AMD1: variants seen among roughly 807,000 people sequenced by gnomAD.
The protein encoded by AMD1 is S-adenosylmethionine decarboxylase proenzyme.
In AMD1, 11 loss-of-function variants were observed where a neutral mutation model predicts 40.2. The observed-to-expected ratio is 0.27, with a 90% CI of 0.17 to 0.45. The LOEUF is 0.45. AMD1 is among the 20% of genes least tolerant of loss of function. AMD1 has a pLI of 1.00. For missense variants in AMD1, 257 were observed against 410.2 expected (o/e 0.63, Z 3.23); for synonymous variants, 121 against 130.8 (o/e 0.93, Z 0.51).
chr6:110,826,271 C>CAAAAAAAA, the AMD1 span, among the ~76,000 whole-genome samples: 2 of 59,360 alleles, frequency 3.4e-5, no homozygotes, highest in African/African-American at 1.4e-4. Context: ...GACACCATCC[C>CAAAAAAAA]AAAAAAAAAA....
the AMD1 span, among the ~76,000 whole-genome samples, chr6:110,869,061 A>G: frequency 6.7e-6 from 1 of 148,476 alleles, no homozygotes; most frequent in East Asian, 2.0e-4. Flanking sequence ...CTCGTTCTCA[A>G]AAAAAAAAAA....
chr6:110,820,133 A>G, the AMD1 span, among the ~76,000 whole-genome samples: 2 of 152,116 alleles, frequency 1.3e-5, no homozygotes, highest in Admixed American at 6.5e-5. Context: ...GGAGCAGCCC[A>G]TATCTCTGCT....
At chr6:110,839,828 C>A in the AMD1 span, among the ~76,000 whole-genome samples, 2 of 152,060 alleles carry the variant, frequency 1.3e-5, no homozygotes, top group African/African-American at 2.4e-5. Flanking sequence ...GCTGTTCAAC[C>A]TTTTGTTCTT....
At chr6:110,867,429 C>T in the AMD1 span, among the ~76,000 whole-genome samples, 1 of 152,104 alleles carries the variant, frequency 6.6e-6, no homozygotes, top group African/African-American at 2.4e-5. Flanking sequence ...CTTTGGGAGG[C>T]TGAGAGGGGG....
At chr6:110,815,395 T>C in the AMD1 span, 14 of 349,852 alleles carry the variant, frequency 4.0e-5, no homozygotes, top group African/African-American at 2.8e-4. Flanking sequence ...CAGTCCCGCC[T>C]CCCTCCTTCA....
the AMD1 span, among the ~76,000 whole-genome samples, chr6:110,868,855 A>G: frequency 6.6e-6 from 1 of 152,022 alleles, no homozygotes; most frequent in East Asian, 2.0e-4. Context: ...CAGGAGTTCA[A>G]GACCAGCCTG....
At chr6:110,863,366 G>A in the AMD1 span, among the ~76,000 whole-genome samples, 5 of 143,830 alleles carry the variant, frequency 3.5e-5, no homozygotes, top group African/African-American at 5.2e-5. Context: ...ACCTGATTCT[G>A]CTTGCTTTTT....
At chr6:110,885,380 T>C (rs144847970) in intron 1 of AMD1, among the ~76,000 whole-genome samples, 4,206 of 152,118 alleles carry the variant, frequency 0.028, 90 homozygotes, top group South Asian at 0.1. Flanking sequence ...CCCAAAGTGG[T>C]GGGATTACAG....
At chr6:110,824,341 T>G in the AMD1 span, among the ~76,000 whole-genome samples, 1 of 152,196 alleles carries the variant, frequency 6.6e-6, no homozygotes, top group African/African-American at 2.4e-5. Context: ...AAATACTGTA[T>G]GTTCCCACTT....
chr6:110,875,354 TGGAA>T lies in AMD1; in HGVS notation c.110+142_110+145del, dbSNP rs1377784078. 2.0e-5 allele frequency: 14 copies of T among 716,322 alleles called. No individual in the cohort carries two copies. The East Asian group carries it at 2.2e-4, about 11-fold the overall frequency. The allele number at this position is 716,322 out of a possible 1,614,324, so 44.4% of individuals were successfully genotyped here. A position where few individuals can be genotyped will look rare whatever the true frequency, so the allele number is the denominator to read the frequency against. On this transcript the variant is annotated intron_variant, in intron 1 of 8. Coordinates refer to ENST00000368885, the MANE Select transcript of AMD1 (RefSeq NM_001634.6). ...CGGCCTGGGGTCGCTTCGGCGGCCT[TGGAA>T]GGTGCGCGGTTTGGGGGAGAGCGGC...
At chr6:110,869,223 C>CG in the AMD1 span, among the ~76,000 whole-genome samples, 1 of 151,700 alleles carries the variant, frequency 6.6e-6, no homozygotes, top group African/African-American at 2.4e-5. Context: ...CTCCGCCTCC[C>CG]GGGGTCCCGC....
chr6:110,838,403 G>T, the AMD1 span, among the ~76,000 whole-genome samples: 2 of 151,866 alleles, frequency 1.3e-5, no homozygotes, highest in Non-Finnish European at 1.5e-5. Context: ...AAAACCAAAA[G>T]TTTTTAAGAA....
Position 110,894,534 on chromosome 6 carries a change from G to A in AMD1, c.*918G>A, listed in dbSNP as rs1786203626. ...AAAACATACAATTCTGTGTTCCTCA[G>A]TAAATGAGATTAGCGTCTAATGAGT... On this transcript the variant is annotated 3_prime_UTR_variant, in exon 9 of 9. Coordinates refer to ENST00000368885, the MANE Select transcript of AMD1 (RefSeq NM_001634.6). 6.6e-6 allele frequency: 1 copy of A among 152,220 alleles called. No homozygotes were observed. The highest frequency in any genetic ancestry group is 2.4e-5 in the African/African-American group (1 of 41,448). The allele number at this position is 152,220 out of a possible 1,614,324, so 9.4% of individuals were successfully genotyped here.
the AMD1 span, among the ~76,000 whole-genome samples, chr6:110,830,084 G>A: frequency 2.6e-5 from 4 of 151,862 alleles, no homozygotes; most frequent in Non-Finnish European, 1.5e-5. Context: ...GCGCGATCTC[G>A]GCTCACTGCA....
chr6:110,847,044 T>A, the AMD1 span, among the ~76,000 whole-genome samples: 32 of 138,336 alleles, frequency 2.3e-4, no homozygotes, highest in East Asian at 7.9e-3. Flanking sequence ...ACTAGGAGAG[T>A]GTGTGTGTGT....
chr6:110,851,760 C>A, the AMD1 span, among the ~76,000 whole-genome samples: 1 of 152,158 alleles, frequency 6.6e-6, no homozygotes, highest in Non-Finnish European at 1.5e-5. Context: ...CTGCACCTGG[C>A]CCTCAAAATT....
At position 110,892,910 on chromosome 6, in the gene AMD1, G is replaced by A; in HGVS notation, c.709G>A (p.Gly237Arg). 6.2e-7 allele frequency: 1 copy of A among 1,613,872 alleles called. No homozygotes were observed. The highest frequency in any genetic ancestry group is 2.2e-5 in the East Asian group (1 of 44,868). ...TAACACTGTGAACTTTTTCTCTCAGGGAACTTATTGGACTATTCACATCAC... is the reference window on the plus strand; with the variant it reads ...TAACACTGTGAACTTTTTCTCTCAGAGAACTTATTGGACTATTCACATCAC... The part of the protein sequence containing the change: ...GYSMNGMKSD[G>R]TYWTIHITPE... Residue 237 changes from glycine to arginine, a missense_variant and splice_region_variant, in exon 8 of 9, where the codon GGA (glycine) becomes AGA (arginine). By Grantham distance (125) the Gly-to-Arg change is moderately radical. Coordinates refer to ENST00000368885, the MANE Select transcript of AMD1 (RefSeq NM_001634.6).
the AMD1 span, among the ~76,000 whole-genome samples, chr6:110,849,831 G>A: frequency 1.3e-5 from 2 of 152,048 alleles, no homozygotes; most frequent in African/African-American, 4.8e-5. Context: ...ACCAGCCTGA[G>A]CAACATGGCA....
At chr6:110,868,381 C>T in the AMD1 span, among the ~76,000 whole-genome samples, 1 of 151,974 alleles carries the variant, frequency 6.6e-6, no homozygotes, top group Non-Finnish European at 1.5e-5. Flanking sequence ...GATCTCCTGA[C>T]CTCATGATCT....
Sources: allele counts gnomAD v4.1 joint callset (sites outside exome capture counted in the v4.1 genomes callset), GRCh38; gene constraint gnomAD v4.1.1; transcripts MANE v1.5; gene names NCBI Gene and HGNC (gene_info 2026-07-23, HGNC 2026-07-21).